MAML3: variants seen among roughly 807,000 people sequenced by gnomAD.
The protein encoded by MAML3 is mastermind like transcriptional coactivator 3, also known as mastermind-like protein 3.
MAML3 carries 27 observed loss-of-function variants against 101.9 expected under a neutral mutation model. That is an observed-to-expected ratio of 0.27 (90% CI 0.20 to 0.37). The LOEUF is 0.37. Ranked by LOEUF, MAML3 falls within the 10% of genes least tolerant of loss-of-function variation. The probability of loss-of-function intolerance (pLI) is 1.00; values close to 1 mark genes in which losing one functional copy is unlikely to be tolerated. For synonymous variants in MAML3, 501 were observed against 555.9 expected (o/e 0.90, Z 1.39); for missense variants, 1,316 against 1,444.9 (o/e 0.91, Z 1.45).
intron 1 of MAML3, among the ~76,000 whole-genome samples, chr4:140,043,913 G>A (rs1027411352): frequency 6.6e-6 from 1 of 152,086 alleles, no homozygotes; most frequent in Non-Finnish European, 1.5e-5. Flanking sequence ...GTTAATACCA[G>A]GAAAAGTAAG....
intron 2 of MAML3, among the ~76,000 whole-genome samples, chr4:139,779,567 A>G (rs1730160563): frequency 6.6e-6 from 1 of 152,216 alleles, no homozygotes; most frequent in Admixed American, 6.5e-5. Flanking sequence ...AATACAAGTT[A>G]CTATTTACTG....
chr4:139,939,554 A>G (rs1733562298), intron 1 of MAML3, among the ~76,000 whole-genome samples: 1 of 151,974 alleles, frequency 6.6e-6, no homozygotes, highest in African/African-American at 2.4e-5. Flanking sequence ...TATTCTCAAC[A>G]AGGGGGTCTT....
At chr4:140,078,233 C>T (rs1018181685) in intron 1 of MAML3, among the ~76,000 whole-genome samples, 1 of 151,888 alleles carries the variant, frequency 6.6e-6, no homozygotes, top group South Asian at 2.1e-4. Context: ...AAGGAAAAGG[C>T]ATCAGATGTT....
At chr4:140,082,445 C>A (rs1378111460) in intron 1 of MAML3, among the ~76,000 whole-genome samples, 1 of 152,212 alleles carries the variant, frequency 6.6e-6, no homozygotes, top group East Asian at 1.9e-4. Flanking sequence ...ACCACCTCCA[C>A]ATCTGAAGAT....
intron 1 of MAML3, among the ~76,000 whole-genome samples, chr4:140,030,827 T>C (rs184601635): frequency 2.6e-5 from 4 of 152,308 alleles, no homozygotes; most frequent in Admixed American, 6.5e-5. Context: ...ACCCCAGGGA[T>C]GGTAAAAATC....
chr4:139,802,069 T>A (rs1730619020), intron 2 of MAML3, among the ~76,000 whole-genome samples: 1 of 152,134 alleles, frequency 6.6e-6, no homozygotes, highest in African/African-American at 2.4e-5. Context: ...ACCCTACGGC[T>A]CGGATCGGCA....
chr4:139,769,567 G>C lies in MAML3; in HGVS notation c.2080-38900C>G, dbSNP rs560383597. 3.1e-4 allele frequency among the ~76,000 whole-genome samples: 47 copies of C among 151,944 alleles called. No homozygotes were observed. The East Asian group carries it at 3.5e-3, about 11-fold the overall frequency. On this transcript the variant is annotated intron_variant, in intron 2 of 4. Coordinates refer to ENST00000509479, the MANE Select transcript of MAML3 (RefSeq NM_018717.5). ...ATCTACATGTAAATATGACACTTAT[G>C]AACCGGCAATAAAATATGGTGAGTC...
At chr4:139,940,101 A>G (rs1313738203) in intron 1 of MAML3, among the ~76,000 whole-genome samples, 1 of 152,116 alleles carries the variant, frequency 6.6e-6, no homozygotes, top group Non-Finnish European at 1.5e-5. Context: ...GTACCTCTAC[A>G]TGCCAAATAA....
chr4:140,079,447 C>T (rs1210261434), intron 1 of MAML3, among the ~76,000 whole-genome samples: 1 of 152,138 alleles, frequency 6.6e-6, no homozygotes, highest in Non-Finnish European at 1.5e-5. Context: ...GCACCCACCA[C>T]CACACTCTGC....
intron 2 of MAML3, among the ~76,000 whole-genome samples, chr4:139,874,104 C>CT (rs1732064681): frequency 6.6e-6 from 1 of 152,274 alleles, no homozygotes; most frequent in East Asian, 1.9e-4. Flanking sequence ...ATCCCACCTT[C>CT]TTTTTTAGCT....
chr4:139,723,337 T>A (rs1321909530), intron 4 of MAML3, among the ~76,000 whole-genome samples: 1 of 152,160 alleles, frequency 6.6e-6, no homozygotes, highest in Non-Finnish European at 1.5e-5. Flanking sequence ...TGGGACACAG[T>A]TTTGCTCTTG....
At chr4:140,017,473 A>G (rs1726660543) in intron 1 of MAML3, among the ~76,000 whole-genome samples, 1 of 152,162 alleles carries the variant, frequency 6.6e-6, no homozygotes, top group East Asian at 1.9e-4. Context: ...TAAAAATTAT[A>G]TCCACAGAAA....
At chr4:140,100,961 C>T (rs1438847006) in intron 1 of MAML3, among the ~76,000 whole-genome samples, 3 of 152,114 alleles carry the variant, frequency 2.0e-5, no homozygotes, top group Non-Finnish European at 4.4e-5. Flanking sequence ...AATGGAGAAA[C>T]CACATGGAAT....
intron 1 of MAML3, among the ~76,000 whole-genome samples, chr4:140,108,684 G>A (rs7691778): frequency 0.042 from 6,382 of 151,236 alleles, 310 homozygotes; most frequent in African/African-American, 0.12. Context: ...CATGTGTGGT[G>A]GATTAAACTG....
chr4:139,976,393 T>C (rs1382898422), intron 1 of MAML3, among the ~76,000 whole-genome samples: 1 of 152,232 alleles, frequency 6.6e-6, no homozygotes, highest in African/African-American at 2.4e-5. Flanking sequence ...TGTGATGAAG[T>C]CTTTACCAGT....
At chr4:139,900,371 T>C (rs1732693722) in intron 1 of MAML3, among the ~76,000 whole-genome samples, 1 of 152,200 alleles carries the variant, frequency 6.6e-6, no homozygotes, top group Non-Finnish European at 1.5e-5. Flanking sequence ...CTTAAACATG[T>C]AATAAGTACC....
chr4:140,060,970 C>T (rs1361228029), intron 1 of MAML3, among the ~76,000 whole-genome samples: 3 of 152,194 alleles, frequency 2.0e-5, no homozygotes, highest in Non-Finnish European at 2.9e-5. Flanking sequence ...GGAAAAGCAG[C>T]AACTGGAGCC....
intron 2 of MAML3, among the ~76,000 whole-genome samples, chr4:139,824,614 A>G (rs1731028985): frequency 6.6e-6 from 1 of 152,262 alleles, no homozygotes; most frequent in Non-Finnish European, 1.5e-5. Flanking sequence ...TTCAAGGGTC[A>G]CAGATGTTGA....
intron 2 of MAML3, among the ~76,000 whole-genome samples, chr4:139,817,552 C>A (rs1033254564): frequency 2.0e-5 from 3 of 152,174 alleles, no homozygotes; most frequent in Non-Finnish European, 4.4e-5. Flanking sequence ...ATATATATCA[C>A]CTCCCTCTGT....
Sources: allele counts gnomAD v4.1 joint callset (sites outside exome capture counted in the v4.1 genomes callset), GRCh38; gene constraint gnomAD v4.1.1; transcripts MANE v1.5; gene names NCBI Gene and HGNC (gene_info 2026-07-23, HGNC 2026-07-21).